The following ITPR2 variants were observed in gnomAD, a reference collection of about 807,000 sequenced individuals.
ITPR2 encodes the protein inositol 1,4,5-trisphosphate receptor type 2.
In ITPR2, 207 loss-of-function variants were observed where a neutral mutation model predicts 317.1. The observed-to-expected ratio is 0.65, with a 90% CI of 0.58 to 0.73. The LOEUF is 0.73. ITPR2 is among the 30% of genes least tolerant of loss of function. The pLI is 0.00. For missense variants in ITPR2, 2,613 were observed against 3,284.0 expected, an observed-to-expected ratio of 0.80 and a Z score of 4.99; for synonymous variants, 1,156 against 1,149.1, an observed-to-expected ratio of 1.01 and a Z score of -0.12.
At chr12:26,612,714 G>C (rs879490171) in intron 26 of ITPR2, among the ~76,000 whole-genome samples, 1 of 152,026 alleles carries the variant, frequency 6.6e-6, no homozygotes, top group East Asian at 1.9e-4. Context: ...CCTCTTAACG[G>C]GTGTCCCAAC....
At chr12:26,530,688 T>C (rs74889573) in intron 37 of ITPR2, among the ~76,000 whole-genome samples, 3,305 of 152,302 alleles carry the variant, frequency 0.022, 77 homozygotes, top group African/African-American at 0.054. Flanking sequence ...TCTTAAATAC[T>C]ATGGATGTGG....
At chr12:26,655,632 A>G (rs921105003) in intron 20 of ITPR2, 76 bp downstream of exon 20, 12 of 1,186,166 alleles carry the variant, frequency 1.0e-5, no homozygotes, top group Middle Eastern at 2.5e-4. Context: ...AAAAAAAAAA[A>G]GCAGAGAAAA....
At chr12:26,587,936 T>A (rs946681367) in intron 32 of ITPR2, among the ~76,000 whole-genome samples, 3 of 152,132 alleles carry the variant, frequency 2.0e-5, no homozygotes, top group African/African-American at 7.2e-5. Context: ...TTTGGAATAT[T>A]TTATGGTTAG....
rs117764093 is a variant in ITPR2 at position 26,429,440 on chromosome 12, T to G, written c.6770-1352A>C. ...TTCAATTCTTGTCCTCTGGCAATGC[T>G]AACATACAGGTACCCTACTCGTGTT... On this transcript the variant is annotated intron_variant, in intron 48 of 56. Transcript: ENST00000381340. Among the ~76,000 whole-genome samples, 113 of 152,346 alleles carry G rather than the reference T, an allele frequency of 7.4e-4. No individual in the cohort carries two copies. In the East Asian group the frequency reaches 0.012, roughly 16 times the overall value.
rs1356716762 is a variant in ITPR2, at chr12:26,560,824, TAC to T, written c.4821+936_4821+937del. ...TCCCGTATAACACTCATCTACATGT[TAC>T]CTCTCATAATATTTATTTCAGTTAA... On this transcript the variant is annotated intron_variant, in intron 35 of 56. Transcript: ENST00000381340. Among the ~76,000 whole-genome samples the T allele has an allele frequency of 3.9e-5, 6 of 152,316 alleles. No individual in the cohort carries two copies. In the South Asian group the frequency reaches 8.3e-4, roughly 21 times the overall value.
At chr12:26,485,070 T>C (rs1348600231) in intron 41 of ITPR2, among the ~76,000 whole-genome samples, 1 of 148,052 alleles carries the variant, frequency 6.8e-6, no homozygotes, top group African/African-American at 2.7e-5. Context: ...TTCGATATGC[T>C]TATGCATGCA....
chr12:26,824,475 T>A (rs1377743299), intron 1 of ITPR2, among the ~76,000 whole-genome samples: 2 of 152,260 alleles, frequency 1.3e-5, no homozygotes, highest in South Asian at 2.1e-4. Flanking sequence ...GGAAAAAAAA[T>A]TTCATGGTAA....
chr12:26,719,373 T>C (rs1275508619), intron 5 of ITPR2, among the ~76,000 whole-genome samples: 2 of 152,224 alleles, frequency 1.3e-5, no homozygotes, highest in African/African-American at 4.8e-5. Context: ...AGCCATCACA[T>C]TCACTCTAGT....
intron 1 of ITPR2, among the ~76,000 whole-genome samples, chr12:26,814,878 T>G (rs1325222851): frequency 6.6e-6 from 1 of 152,202 alleles, no homozygotes; most frequent in African/African-American, 2.4e-5. Flanking sequence ...TAAAAATCAT[T>G]AATACTTACA....
intron 56 of ITPR2, among the ~76,000 whole-genome samples, chr12:26,339,952 T>C (rs764205054): frequency 1.3e-5 from 2 of 152,184 alleles, no homozygotes; most frequent in Non-Finnish European, 2.9e-5. Context: ...CCCCCTTCCA[T>C]AGAAGGAGAA....
At chr12:26,552,961 G>A (rs1428259901) in intron 36 of ITPR2, among the ~76,000 whole-genome samples, 2 of 152,132 alleles carry the variant, frequency 1.3e-5, no homozygotes, top group Non-Finnish European at 2.9e-5. Flanking sequence ...ATGTTTGGTT[G>A]AGTTAGGTCG....
At chr12:26,771,398 T>C (rs1356945376) in intron 2 of ITPR2, among the ~76,000 whole-genome samples, 2 of 152,192 alleles carry the variant, frequency 1.3e-5, no homozygotes, top group Non-Finnish European at 2.9e-5. Context: ...ATGACAGAGC[T>C]GCCAAGATGG....
At chr12:26,352,627 A>C (rs1938517313) in intron 55 of ITPR2, among the ~76,000 whole-genome samples, 1 of 152,220 alleles carries the variant, frequency 6.6e-6, no homozygotes, top group Non-Finnish European at 1.5e-5. Context: ...ATGTCTGCCA[A>C]GGGGGCTTTG....
intron 2 of ITPR2, among the ~76,000 whole-genome samples, chr12:26,769,435 AGG>A (rs1458395214): frequency 6.6e-6 from 1 of 152,124 alleles, no homozygotes; most frequent in Non-Finnish European, 1.5e-5. Context: ...TGGGAAGGAA[AGG>A]CAGTTGACTT....
chr12:26,485,732 T>C (rs1035854671), intron 41 of ITPR2, among the ~76,000 whole-genome samples: 1 of 152,172 alleles, frequency 6.6e-6, no homozygotes, highest in South Asian at 2.1e-4. Flanking sequence ...GGCTTGAAAA[T>C]AATGAAAGCC....
At chr12:26,714,553 A>G (rs987242641) in intron 8 of ITPR2, among the ~76,000 whole-genome samples, 1 of 152,108 alleles carries the variant, frequency 6.6e-6, no homozygotes, top group Non-Finnish European at 1.5e-5. Context: ...TATATAAATA[A>G]TATTACCTAT....
intron 2 of ITPR2, among the ~76,000 whole-genome samples, chr12:26,777,359 T>C (rs1482173737): frequency 1.3e-5 from 2 of 152,194 alleles, no homozygotes; most frequent in East Asian, 1.9e-4. Context: ...ACCTGCATCT[T>C]TGAAGAGGTC....
chr12:26,440,238 CA>C (rs1159357593), intron 46 of ITPR2, among the ~76,000 whole-genome samples: 3 of 152,160 alleles, frequency 2.0e-5, no homozygotes. Context: ...ACAACAACAA[CA>C]ACCAAATACA....
chr12:26,584,166 G>A (rs1251532302), intron 32 of ITPR2, among the ~76,000 whole-genome samples: 1 of 152,192 alleles, frequency 6.6e-6, no homozygotes, highest in Non-Finnish European at 1.5e-5. Context: ...AGCAGGGCAA[G>A]TGGTACAGGG....
Sources: gnomAD v4.1 joint callset for allele counts (sites outside exome capture counted in the v4.1 genomes callset) on GRCh38, gnomAD v4.1.1 for gene constraint, MANE v1.5 for transcripts, NCBI Gene and HGNC (gene_info 2026-07-23, HGNC 2026-07-21) for gene names.